The following CBFB variants were observed in gnomAD, a reference collection of about 807,000 sequenced individuals.
CBFB encodes the protein CBF-beta.
A neutral mutation model predicts 30.4 loss-of-function variants in CBFB; 9 were observed. That is an observed-to-expected ratio of 0.30 (90% CI 0.18 to 0.52). CBFB has a LOEUF of 0.52. Among genes scored for constraint, CBFB ranks in the 20% least tolerant of loss-of-function variants. The pLI, the probability that CBFB is intolerant of heterozygous loss-of-function variation, is 0.97. For missense variants in CBFB, 170 were observed against 244.0 expected, an observed-to-expected ratio of 0.70 and a Z score of 2.02; for synonymous variants, 94 against 84.0, an observed-to-expected ratio of 1.12 and a Z score of -0.65.
intron 3 of CBFB, among the ~76,000 whole-genome samples, chr16:67,037,956 A>G (rs763510818): frequency 1.3e-5 from 2 of 152,130 alleles, no homozygotes; most frequent in Non-Finnish European, 2.9e-5. Context: ...GGAGTGAGCT[A>G]CTGCACCTGG....
intron 5 of CBFB, among the ~76,000 whole-genome samples, chr16:67,096,555 G>A (rs1234019497): frequency 2.6e-5 from 4 of 152,062 alleles, no homozygotes; most frequent in Admixed American, 2.6e-4. Context: ...AGTGAATCTT[G>A]AAATCTTGGT....
At chr16:67,042,318 G>T (rs1966545778) in intron 3 of CBFB, among the ~76,000 whole-genome samples, 1 of 151,892 alleles carries the variant, frequency 6.6e-6, no homozygotes. Flanking sequence ...ACCACATCTG[G>T]CTAATTTTAA....
chr16:67,076,224 A>G (rs1396592957), intron 4 of CBFB, among the ~76,000 whole-genome samples: 1 of 151,904 alleles, frequency 6.6e-6, no homozygotes, highest in African/African-American at 2.4e-5. Context: ...GCTAGACTTC[A>G]TCTCAAAAAA....
At chr16:67,073,387 T>C (rs1961289581) in intron 4 of CBFB, among the ~76,000 whole-genome samples, 1 of 152,206 alleles carries the variant, frequency 6.6e-6, no homozygotes, top group African/African-American at 2.4e-5. Flanking sequence ...TTCAGTTACT[T>C]CAGAATCAAA....
At chr16:67,050,108 T>A (rs1444948447) in intron 3 of CBFB, among the ~76,000 whole-genome samples, 1 of 150,424 alleles carries the variant, frequency 6.6e-6, no homozygotes, top group Non-Finnish European at 1.5e-5. Flanking sequence ...CAAAGCCTTA[T>A]TTAGAGTTAT....
At chr16:67,065,441 C>T (rs973481316) in intron 3 of CBFB, among the ~76,000 whole-genome samples, 1 of 152,170 alleles carries the variant, frequency 6.6e-6, no homozygotes, top group African/African-American at 2.4e-5. Flanking sequence ...AGTATGAAGC[C>T]TGGCTAATTT....
intron 2 of CBFB, 63 bp downstream of exon 2, chr16:67,029,876 C>G (rs1047775416): frequency 7.5e-6 from 9 of 1,193,280 alleles, no homozygotes; most frequent in Non-Finnish European, 1.0e-5. Context: ...GCGGCCCAGG[C>G]CGGTTCCGGA....
intron 5 of CBFB, among the ~76,000 whole-genome samples, chr16:67,087,069 C>T (rs1363987078): frequency 6.6e-6 from 1 of 152,042 alleles, no homozygotes; most frequent in Non-Finnish European, 1.5e-5. Flanking sequence ...GAGAGCCTGC[C>T]AAGTCAAGAG....
chr16:67,097,128 G>A (rs971427580), intron 5 of CBFB, among the ~76,000 whole-genome samples: 6 of 152,062 alleles, frequency 3.9e-5, no homozygotes, highest in Non-Finnish European at 2.9e-5. Flanking sequence ...ACAGCTACTC[G>A]AGGCTTAGGT....
chr16:67,033,029 C>T (rs1191827817), intron 2 of CBFB, among the ~76,000 whole-genome samples: 1 of 152,168 alleles, frequency 6.6e-6, no homozygotes, highest in East Asian at 1.9e-4. Flanking sequence ...CGTATACCAC[C>T]ATGCCCAGCT....
chr16:67,083,435 A>G (rs1961628036), intron 5 of CBFB, among the ~76,000 whole-genome samples: 2 of 151,756 alleles, frequency 1.3e-5, no homozygotes, highest in Admixed American at 1.3e-4. Context: ...AGCTGGGATT[A>G]CAGGCGCACA....
chr16:67,063,835 T>A lies in CBFB; in HGVS notation c.283-2847T>A, dbSNP rs557664499. Among the ~76,000 whole-genome samples the A allele has an allele frequency of 5.9e-5, 9 of 152,236 alleles. 1 individual carries two copies. In the South Asian group the frequency reaches 1.9e-3, roughly 32 times the overall value. On this transcript the variant is annotated intron_variant, in intron 3 of 5. Transcript: ENST00000412916. The stretch of plus-strand genomic sequence containing the variant: ...GTCAGTTATTGTTATTAAACATCTC[T>A]AAAAACAAAAAGAATCCAAGAGTCT...
At chr16:67,064,899 T>A (rs1961010452) in intron 3 of CBFB, among the ~76,000 whole-genome samples, 1 of 152,094 alleles carries the variant, frequency 6.6e-6, no homozygotes, top group Non-Finnish European at 1.5e-5. Context: ...CTTTTTTTTC[T>A]CTCTCTTTTT....
chr16:67,051,451 ATATCCAAAATAAT>A (rs1365425011), intron 3 of CBFB, among the ~76,000 whole-genome samples: 1 of 151,990 alleles, frequency 6.6e-6, no homozygotes, highest in Non-Finnish European at 1.5e-5. Flanking sequence ...TCCAAAATAT[ATATCCAAAATAAT>A]GTAATATATT....
At position 67,029,457 on chromosome 16, in the gene CBFB, T is replaced by C; in HGVS notation, c.50T>C (p.Phe17Ser). 6.3e-7 allele frequency: 1 copy of C among 1,590,378 alleles called. No homozygotes were observed. The highest frequency in any genetic ancestry group is 8.5e-7 in the Non-Finnish European group (1 of 1,170,022). Reference sequence around the variant, plus strand: ...AGAAGCAAGTTCGAGAACGAGGAGTTTTTTAGGAAGCTGAGCCGCGAGTGT... The same window carrying C: ...AGAAGCAAGTTCGAGAACGAGGAGTCTTTTAGGAAGCTGAGCCGCGAGTGT... ...DQRSKFENEE[F>S]FRKLSRECEI... is the part of the protein sequence containing the mutation. The change falls in exon 1 of 6, where the codon TTT becomes TCT. Residue 17 changes from phenylalanine (F) to serine (S), a missense_variant. Coordinates refer to ENST00000412916, the MANE Select transcript of CBFB (RefSeq NM_022845.3).
In CBFB at chr16:67,098,111, GTTTT is replaced by G. The variant is rs200015538; in HGVS notation, c.496-596_496-593del. 5.6e-3 allele frequency among the ~76,000 whole-genome samples: 816 copies of G among 146,130 alleles called. 3 individuals are homozygous for G. Among genetic ancestry groups the G allele is most frequent in the African/African-American group, 0.021 (760 of 36,244 alleles). Reference sequence around the variant, plus strand: ...ACTGTAAATATAGATTTGTTGTGGGGTTTTTTGTTTGTTTGTTTGTTTGTTTGTT... The same window carrying G: ...ACTGTAAATATAGATTTGTTGTGGGGTTGTTTGTTTGTTTGTTTGTTTGTT... On this transcript the variant is annotated intron_variant, in intron 5 of 5. Transcript: ENST00000412916.
intron 4 of CBFB, among the ~76,000 whole-genome samples, chr16:67,072,878 AT>A (rs1961268115): frequency 1.3e-5 from 2 of 150,624 alleles, no homozygotes; most frequent in African/African-American, 2.4e-5. Context: ...TGCTTGGCTA[AT>A]TTTTTTTATC....
intron 5 of CBFB, among the ~76,000 whole-genome samples, chr16:67,097,539 C>T (rs1395215729): frequency 2.0e-5 from 3 of 148,420 alleles, no homozygotes; most frequent in Non-Finnish European, 4.5e-5. Flanking sequence ...GAGTGAAACT[C>T]CGTCTCAAAA....
intron 5 of CBFB, among the ~76,000 whole-genome samples, chr16:67,096,625 T>C (rs1377191336): frequency 6.6e-6 from 1 of 152,088 alleles, no homozygotes; most frequent in Non-Finnish European, 1.5e-5. Flanking sequence ...AGTATTTTTT[T>C]CTAATTTTTA....
Sources: allele counts gnomAD v4.1 joint callset (sites outside exome capture counted in the v4.1 genomes callset), GRCh38; gene constraint gnomAD v4.1.1; transcripts MANE v1.5; gene names NCBI Gene and HGNC (gene_info 2026-07-23, HGNC 2026-07-21).